The following SPOCK3 variants were observed in gnomAD, a reference collection of about 807,000 sequenced individuals.
SPOCK3 encodes the protein testican-3.
In SPOCK3, 30 loss-of-function variants were observed where a neutral mutation model predicts 56.6. That is an observed-to-expected ratio of 0.53 (90% confidence interval 0.40 to 0.72). The LOEUF is 0.72. Ranked by LOEUF, SPOCK3 falls within the 30% of genes least tolerant of loss-of-function variation. The probability of loss-of-function intolerance (pLI) is 0.00; values close to 1 mark genes in which losing one functional copy is unlikely to be tolerated. For synonymous variants in SPOCK3, 196 were observed against 183.3 expected, an observed-to-expected ratio of 1.07 and a Z score of -0.56; for missense variants, 527 against 530.0, an observed-to-expected ratio of 0.99 and a Z score of 0.06.
chr4:167,062,629 G>C (rs1755723816), intron 2 of SPOCK3, 92 bp from the exon 3 acceptor site: 1 of 956,672 alleles, frequency 1.0e-6, no homozygotes, highest in East Asian at 2.5e-5. Context: ...AAACACAGAA[G>C]CTGTATACAA....
chr4:167,084,768 A>C (rs1432280847), intron 2 of SPOCK3, among the ~76,000 whole-genome samples: 2 of 93,916 alleles, frequency 2.1e-5, no homozygotes, highest in Non-Finnish European at 4.2e-5. Context: ...CTACACATTG[A>C]TTATTAATAA....
intron 2 of SPOCK3, among the ~76,000 whole-genome samples, chr4:167,173,673 A>G (rs373166861): frequency 1.3e-5 from 2 of 152,248 alleles, no homozygotes; most frequent in East Asian, 3.9e-4. Flanking sequence ...TTGAGTGCCT[A>G]CTGAGTAATG....
At chr4:166,834,463 T>G (rs901122055) in intron 6 of SPOCK3, among the ~76,000 whole-genome samples, 1 of 152,172 alleles carries the variant, frequency 6.6e-6, no homozygotes, top group Non-Finnish European at 1.5e-5. Context: ...AGATTAAAAA[T>G]TTTTAGAGTA....
rs1320010479 is a variant in SPOCK3 at position 167,016,150 on chromosome 4, TTGA to T, written c.236-15690_236-15688del. 2.0e-5 allele frequency among the ~76,000 whole-genome samples: 3 copies of T among 152,140 alleles called. No homozygotes were observed. In the East Asian group the frequency reaches 5.8e-4, roughly 29 times the overall value. ...AGCCTGTGGAATTATAATATGTGGCTTGATGATATGAAAAATAATGCAAGCAAC... is the reference window on the plus strand; with the variant it reads ...AGCCTGTGGAATTATAATATGTGGCTTGATATGAAAAATAATGCAAGCAAC... On this transcript the variant is annotated intron_variant, in intron 3 of 10. Coordinates refer to ENST00000357545, the MANE Select transcript of SPOCK3 (RefSeq NM_001040159.2).
At chr4:166,884,266 T>A in intron 6 of SPOCK3, among the ~76,000 whole-genome samples, 1 of 151,516 alleles carries the variant, frequency 6.6e-6, no homozygotes, top group East Asian at 1.9e-4. Flanking sequence ...GGCAGGAGGA[T>A]GGCGTGAACC....
chr4:167,115,570 T>C (rs1761261749), intron 2 of SPOCK3, among the ~76,000 whole-genome samples: 2 of 152,030 alleles, frequency 1.3e-5, no homozygotes, highest in African/African-American at 4.8e-5. Flanking sequence ...GTGCTATAGA[T>C]TCAAGAAATA....
intron 3 of SPOCK3, among the ~76,000 whole-genome samples, chr4:167,004,816 A>T (rs534965069): frequency 6.6e-6 from 1 of 152,316 alleles, no homozygotes; most frequent in Non-Finnish European, 1.5e-5. Context: ...GAGAAAAAAA[A>T]TACAGCAAGT....
intron 6 of SPOCK3, among the ~76,000 whole-genome samples, chr4:166,858,659 A>G (rs1408082935): frequency 6.6e-6 from 1 of 152,158 alleles, no homozygotes; most frequent in African/African-American, 2.4e-5. Context: ...GTGATCATAC[A>G]TGTGGAATGG....
At chr4:167,099,518 C>G (rs1231155733) in intron 2 of SPOCK3, among the ~76,000 whole-genome samples, 4 of 151,870 alleles carry the variant, frequency 2.6e-5, no homozygotes, top group Admixed American at 2.0e-4. Context: ...TAATGAAAAA[C>G]AAGCATATTT....
chr4:166,940,522 GCT>G (rs1482457231), intron 4 of SPOCK3, among the ~76,000 whole-genome samples: 1 of 151,898 alleles, frequency 6.6e-6, no homozygotes, highest in Non-Finnish European at 1.5e-5. Context: ...TTCAAGCAAA[GCT>G]ATCTTCGGTA....
chr4:166,948,483 G>T (rs1317253201), intron 4 of SPOCK3, among the ~76,000 whole-genome samples: 1 of 152,092 alleles, frequency 6.6e-6, no homozygotes, highest in Non-Finnish European at 1.5e-5. Flanking sequence ...CCTACCAACA[G>T]TGTGTTAGAG....
chr4:166,912,706 C>A lies in SPOCK3; in HGVS notation c.388G>T (p.Gly130Cys). 1.2e-6 allele frequency: 2 copies of A among 1,613,038 alleles called. No homozygotes were observed. ...EAGVDHRQWR[G>C]PILSTCKQCP... is the part of the protein sequence containing the mutation. ...TGCTTGCAGGTGGATAATATGGGACCCCTCCACTGCCTATGGTCTACTCCT... is the reference window on the plus strand; with the variant it reads ...TGCTTGCAGGTGGATAATATGGGACACCTCCACTGCCTATGGTCTACTCCT... The change falls in exon 5 of 11, where the codon GGT (glycine) becomes TGT (cysteine). Residue 130 changes from glycine (G) to cysteine (C), a missense_variant. Physicochemically the swap from Gly to Cys is radical, Grantham distance 159. Coordinates refer to ENST00000357545, the MANE Select transcript of SPOCK3 (RefSeq NM_001040159.2).
intron 2 of SPOCK3, among the ~76,000 whole-genome samples, chr4:167,075,437 A>G (rs1260731704): frequency 6.6e-6 from 1 of 151,910 alleles, no homozygotes; most frequent in Non-Finnish European, 1.5e-5. Flanking sequence ...TATGACATAG[A>G]GAAATGCAGT....
chr4:166,762,472 A>G (rs1737372298), intron 7 of SPOCK3, among the ~76,000 whole-genome samples: 1 of 152,084 alleles, frequency 6.6e-6, no homozygotes. Context: ...TATGGCTGGC[A>G]GGAAAAGAAC....
intron 2 of SPOCK3, among the ~76,000 whole-genome samples, chr4:167,158,620 G>C (rs1221767742): frequency 6.6e-6 from 1 of 151,964 alleles, no homozygotes; most frequent in Non-Finnish European, 1.5e-5. Context: ...TTCTTTCAGA[G>C]TGTGATGTGT....
intron 7 of SPOCK3, among the ~76,000 whole-genome samples, chr4:166,775,440 G>A (rs553624007): frequency 2.6e-5 from 4 of 152,242 alleles, no homozygotes; most frequent in Non-Finnish European, 5.9e-5. Flanking sequence ...GGTTTGTGTG[G>A]GGTATCTGGC....
intron 6 of SPOCK3, among the ~76,000 whole-genome samples, chr4:166,839,460 T>C (rs1309886387): frequency 6.6e-6 from 1 of 152,096 alleles, no homozygotes; most frequent in Non-Finnish European, 1.5e-5. Flanking sequence ...GGTAGTTAGA[T>C]AGACATTAGC....
At chr4:167,002,768 C>A (rs1471591111) in intron 3 of SPOCK3, among the ~76,000 whole-genome samples, 1 of 151,980 alleles carries the variant, frequency 6.6e-6, no homozygotes, top group Non-Finnish European at 1.5e-5. Context: ...TGTTGGACAA[C>A]ATAAAAGAAA....
At chr4:167,013,357 C>G (rs1342186972) in intron 3 of SPOCK3, among the ~76,000 whole-genome samples, 1 of 151,602 alleles carries the variant, frequency 6.6e-6, no homozygotes, top group Admixed American at 6.6e-5. Context: ...ATACCATTCT[C>G]TTTGGTTTGC....
Sources: gnomAD v4.1 joint callset for allele counts (sites outside exome capture counted in the v4.1 genomes callset) on GRCh38, gnomAD v4.1.1 for gene constraint, MANE v1.5 for transcripts, NCBI Gene and HGNC (gene_info 2026-07-23, HGNC 2026-07-21) for gene names.